KLK5: variants seen among roughly 807,000 people sequenced by gnomAD.
KLK5 encodes the protein kallikrein-5.
Under a neutral mutation model 24.0 loss-of-function variants are expected in KLK5, and 18 were observed. That is an observed-to-expected ratio of 0.75 (90% confidence interval 0.52 to 1.11). The LOEUF (loss-of-function observed/expected upper bound fraction) is 1.11. Among genes scored for constraint, KLK5 ranks in the 50% most tolerant of loss-of-function variants. The pLI is 0.00. For synonymous variants in KLK5, 140 were observed against 154.0 expected (o/e 0.91, Z 0.67); for missense variants, 374 against 379.2 (o/e 0.99, Z 0.11).
Position 50,949,972 on chromosome 19 carries a change from C to A in KLK5, c.218G>T (p.Cys73Phe). 1.2e-6 allele frequency: 2 copies of A among 1,613,848 alleles called. No individual in the cohort carries two copies. The highest frequency in any genetic ancestry group is 1.7e-6 in the Non-Finnish European group (2 of 1,180,008). ...SSSRIINGSD[C>F]DMHTQPWQAA... ...CTGCCACGGCTGGGTGTGCATATCG[C>A]AGTCGGATCCATTGATGATGCGGCT... Residue 73 changes from cysteine to phenylalanine, a missense_variant, in exon 3 of 6, where the codon TGC (cysteine) becomes TTC (phenylalanine). Physicochemically the swap from Cys to Phe is radical, Grantham distance 205. Transcript: ENST00000336334.
chr19:50,949,901 A>G lies in KLK5; in HGVS notation c.289T>C (p.Leu97=), dbSNP rs746874703. The G allele has an allele frequency of 4.4e-6, 7 of 1,609,174 alleles. No individual in the cohort carries two copies. The highest frequency in any genetic ancestry group is 5.9e-6 in the Non-Finnish European group (7 of 1,178,092). ...GTGAGCAGCCACTGTGGATGCACCA[A>G]CACCGCCCCGCAGTAGAGCTGGTTG... is the stretch of plus-strand genomic sequence containing the variant. ...RPNQLYCGAV[L]VHPQWLLTAA... The change falls in exon 3 of 6, where the codon TTG becomes CTG. Residue 97 remains leucine (L), a synonymous_variant. Coordinates refer to ENST00000336334, the MANE Select transcript of KLK5 (RefSeq NM_012427.5).
At position 50,952,459 on chromosome 19, in the gene KLK5, G is replaced by A. The variant is rs528198597; in HGVS notation, c.73+126C>T. ...TCGCACAACCACAAGTACAGACAGA[G>A]ACTCACATTCACCCGGTCCCGGAGT... On this transcript the variant is annotated intron_variant, in intron 2 of 5. Coordinates refer to ENST00000336334, the MANE Select transcript of KLK5 (RefSeq NM_012427.5). 1.7e-4 allele frequency: 97 copies of A among 580,212 alleles called. 1 individual carries two copies. In the East Asian group the frequency reaches 3.2e-3, roughly 19 times the overall value. The allele number at this position is 580,212 out of a possible 1,614,324, so 35.9% of individuals were successfully genotyped here. A position where few individuals can be genotyped will look rare whatever the true frequency, so the allele number is the denominator to read the frequency against.
rs1286165073 is a variant in KLK5 at position 50,947,832 on chromosome 19, A to T, written c.726+808T>A. 6.6e-6 allele frequency among the ~76,000 whole-genome samples: 1 copy of T among 152,178 alleles called. No individual in the cohort carries two copies. Among genetic ancestry groups the T allele is most frequent in the African/African-American group, 2.4e-5 (1 of 41,438 alleles). On this transcript the variant is annotated intron_variant, in intron 5 of 5. Coordinates refer to ENST00000336334, the MANE Select transcript of KLK5 (RefSeq NM_012427.5). This position sits in a 1 kb window ranked among gnomAD's most constrained non-coding sequence, Gnocchi z 8.7. Reference sequence around the variant, plus strand: ...ATATGGTATCTTTATGCAGTGCACAACCTGCCCAACCATACAAAACAGCCC... The same window carrying T: ...ATATGGTATCTTTATGCAGTGCACATCCTGCCCAACCATACAAAACAGCCC...
intron 1 of KLK5, 29 bp from the exon 2 acceptor site, chr19:50,952,697 G>T: frequency 6.6e-7 from 1 of 1,522,570 alleles, no homozygotes; most frequent in Non-Finnish European, 8.9e-7. Context: ...AGGGTTGGGA[G>T]GCCCAGGCGA....
rs1431794386 is a variant in KLK5, at chr19:50,948,539, G to C, written c.726+101C>G. The C allele has an allele frequency of 2.4e-5, 29 of 1,196,796 alleles. 1 individual carries two copies. Among genetic ancestry groups the C allele is most frequent in the Middle Eastern group, 2.2e-4 (1 of 4,620 alleles). 74.1% of individuals were successfully genotyped at this position (1,196,796 alleles called of 1,614,324 possible). A position where few individuals can be genotyped will look rare whatever the true frequency, so the allele number is the denominator to read the frequency against. ...TGAGCTCTGTGAGAACAGGGGTCCT[G>C]ACTGTCTTGGCAATTGCTGGATTCT... On this transcript the variant is annotated intron_variant, in intron 5 of 5. Transcript: ENST00000336334.
At chr19:50,950,489 G>A (rs936544975) in intron 2 of KLK5, among the ~76,000 whole-genome samples, 2 of 152,144 alleles carry the variant, frequency 1.3e-5, no homozygotes, top group Non-Finnish European at 2.9e-5. Context: ...GTCTCAAGAA[G>A]TGGGGTCAGG....
chr19:50,952,022 C>G (rs998549131), intron 2 of KLK5, among the ~76,000 whole-genome samples: 12 of 151,940 alleles, frequency 7.9e-5, no homozygotes, highest in Non-Finnish European at 1.6e-4. Context: ...TACAGTCACC[C>G]CTACACAGAG....
Position 50,948,669 on chromosome 19 carries a change from C to T in KLK5, c.697G>A (p.Gly233Ser), listed in dbSNP as rs201517041. 49 of 1,614,072 alleles carry T rather than the reference C, an allele frequency of 3.0e-5. No homozygotes were observed. The highest frequency in any genetic ancestry group is 1.1e-4 in the East Asian group (5 of 44,880). The change falls in exon 5 of 6, where the codon GGT becomes AGT. Residue 233 changes from glycine to serine, a missense_variant. Transcript: ENST00000336334. Reference sequence around the variant, plus strand: ...CAGGAGTCTCTACCTGCTTTGTCACCGGCGCAGAACATGGTGTCATCTATC... The same window carrying T: ...CAGGAGTCTCTACCTGCTTTGTCACTGGCGCAGAACATGGTGTCATCTATC... The part of the protein sequence containing the change: ...RQIDDTMFCA[G>S]DKAGRDSCQG...
At chr19:50,945,210 G>A (rs2123557168) in intron 5 of KLK5, among the ~76,000 whole-genome samples, 2 of 151,370 alleles carry the variant, frequency 1.3e-5, no homozygotes, top group South Asian at 2.1e-4. Flanking sequence ...TTGGGCTCAA[G>A]CAATTCTCCC....
intron 3 of KLK5, 61 bp downstream of exon 3, chr19:50,949,794 T>TTCC: frequency 1.8e-5 from 2 of 109,250 alleles, no homozygotes; most frequent in Non-Finnish European, 3.3e-5. Context: ...CACCCCCACT[T>TTCC]CCCCACCCCC....
rs1330821631 is a variant in KLK5 at position 50,952,875 on chromosome 19, A to G, written c.-140T>C. 7.1e-6 allele frequency: 3 copies of G among 422,148 alleles called. No individual in the cohort carries two copies. The highest frequency in any genetic ancestry group is 5.7e-5 in the South Asian group (1 of 17,528). 26.2% of individuals were successfully genotyped at this position (422,148 alleles called of 1,614,324 possible). Reference sequence around the variant, plus strand: ...CAGACAGGGCAAGGAGGGGACAGAGAAAGATGTGGGTGCAGGACGCACAGA... The same window carrying G: ...CAGACAGGGCAAGGAGGGGACAGAGGAAGATGTGGGTGCAGGACGCACAGA... On this transcript the variant is annotated 5_prime_UTR_variant, in exon 1 of 6. Coordinates refer to ENST00000336334, the MANE Select transcript of KLK5 (RefSeq NM_012427.5).
In KLK5 at chr19:50,949,018, A is replaced by G. The variant is rs753259668; in HGVS notation, c.433T>C (p.Tyr145His). The G allele has an allele frequency of 3.1e-6, 5 of 1,613,758 alleles. No individual in the cohort carries two copies. The highest frequency in any genetic ancestry group is 4.2e-6 in the Non-Finnish European group (5 of 1,179,952). The change falls in exon 4 of 6, where the codon TAC (tyrosine) becomes CAC (histidine). Residue 145 changes from tyrosine to histidine, a missense_variant. Physicochemically the swap from Tyr to His is moderately conservative, Grantham distance 83. Coordinates refer to ENST00000336334, the MANE Select transcript of KLK5 (RefSeq NM_012427.5). ...TCGTTAGAGTGGCCAGGGTGGGAGT[A>G]GCCAGGGTGGGGGATGGATTTGACC... ...QGVKSIPHPG[Y>H]SHPGHSNDLM...
At position 50,949,135 on chromosome 19, in the gene KLK5, TCA is replaced by T. The variant is rs1286242625; in HGVS notation, c.336-22_336-21del. 6.2e-7 allele frequency: 1 copy of T among 1,607,056 alleles called. No individual in the cohort carries two copies. Among genetic ancestry groups the T allele is most frequent in the South Asian group, 1.1e-5 (1 of 90,568 alleles). Reference sequence around the variant, plus strand: ...AAAACTCTGAGGAAGATGGGGCAGGTCACCACCAACCCTGATCTCTATCTCCA... The same window carrying T: ...AAAACTCTGAGGAAGATGGGGCAGGTCCACCAACCCTGATCTCTATCTCCA... On this transcript the variant is annotated intron_variant, in intron 3 of 5. Coordinates refer to ENST00000336334, the MANE Select transcript of KLK5 (RefSeq NM_012427.5).
At chr19:50,945,022 T>TTCCTTCCTTCCTTTCTTTC (rs377263080) in intron 5 of KLK5, among the ~76,000 whole-genome samples, 2 of 145,290 alleles carry the variant, frequency 1.4e-5, no homozygotes, top group African/African-American at 2.7e-5. Context: ...TTCTTTCTCC[T>TTCCTTCCTTCCTTTCTTTC]TCCTTCCTTC....
chr19:50,943,777 C>A lies in KLK5; in HGVS notation c.736G>T (p.Gly246Trp), dbSNP rs753623477. ...GAGCCATTGCAGACCACAGGCCCCC[C>A]AGAATCACCCTGCAGGAGAGAAAGG... ...AGRDSCQGDS[G>W]GPVVCNGSLQ... is the part of the protein sequence containing the mutation. Residue 246 changes from glycine (G) to tryptophan (W), a missense_variant, in exon 6 of 6, where the codon GGG (glycine) becomes TGG (tryptophan). By Grantham distance (184) the Gly-to-Trp change is radical (BLOSUM62 -2). Transcript: ENST00000336334. The A allele has an allele frequency of 3.1e-6, 5 of 1,612,334 alleles. No individual in the cohort carries two copies. The highest frequency in any genetic ancestry group is 4.2e-6 in the Non-Finnish European group (5 of 1,178,890).
In KLK5 at chr19:50,947,841, A is replaced by T. The variant is rs1340925082; in HGVS notation, c.726+799T>A. ...CTTTATGCAGTGCACAACCTGCCCA[A>T]CCATACAAAACAGCCCTGATCTTTC... is the stretch of plus-strand genomic sequence containing the variant. On this transcript the variant is annotated intron_variant, in intron 5 of 5. Coordinates refer to ENST00000336334, the MANE Select transcript of KLK5 (RefSeq NM_012427.5). This position sits in a 1 kb window ranked among gnomAD's most constrained non-coding sequence, Gnocchi z 8.7. Among the ~76,000 whole-genome samples, 1 of 152,168 alleles carries T rather than the reference A, an allele frequency of 6.6e-6. No homozygotes were observed. The highest frequency in any genetic ancestry group is 1.9e-4 in the East Asian group (1 of 5,194).
rs2090645285 is a variant in KLK5 at position 50,947,436 on chromosome 19, A to G, written c.726+1204T>C. ...TTCTCTGCTCAAATGCCACCTCTCCAAGGAGGCTCCCCTGACCACCTTTTT... is the reference window on the plus strand; with the variant it reads ...TTCTCTGCTCAAATGCCACCTCTCCGAGGAGGCTCCCCTGACCACCTTTTT... On this transcript the variant is annotated intron_variant, in intron 5 of 5. Coordinates refer to ENST00000336334, the MANE Select transcript of KLK5 (RefSeq NM_012427.5). The surrounding 1 kb of genome is among the most constrained non-coding windows in gnomAD (Gnocchi z 8.7). Among the ~76,000 whole-genome samples, 1 of 152,078 alleles carries G rather than the reference A, an allele frequency of 6.6e-6. No homozygotes were observed. The highest frequency in any genetic ancestry group is 2.4e-5 in the African/African-American group (1 of 41,414).
At chr19:50,944,443 T>C (rs1376506122) in intron 5 of KLK5, among the ~76,000 whole-genome samples, 1 of 152,162 alleles carries the variant, frequency 6.6e-6, no homozygotes, top group African/African-American at 2.4e-5. Flanking sequence ...CTACTTTCTG[T>C]TCCAGCCTGT....
intron 5 of KLK5, among the ~76,000 whole-genome samples, chr19:50,948,432 T>G (rs1158699315): frequency 6.6e-6 from 1 of 152,216 alleles, no homozygotes; most frequent in Non-Finnish European, 1.5e-5. Flanking sequence ...CTTTTTTACC[T>G]GTTTTAATGT....
Sources: gnomAD v4.1 joint callset for allele counts (sites outside exome capture counted in the v4.1 genomes callset) on GRCh38, gnomAD v4.1.1 for gene constraint, Gnocchi (gnomAD v3.1) non-coding constraint, MANE v1.5 for transcripts, NCBI Gene and HGNC (gene_info 2026-07-23, HGNC 2026-07-21) for gene names.